Variants in VTI1A observed in about 807,000 individuals in gnomAD.
VTI1A encodes the protein vesicle transport through interaction with t-SNAREs homolog 1A.
In VTI1A, 22 loss-of-function variants were observed where a neutral mutation model predicts 34.9. The observed-to-expected ratio is 0.63, with a 90% CI of 0.45 to 0.90. VTI1A has a LOEUF of 0.90. Ranked by LOEUF, VTI1A falls within the 40% of genes least tolerant of loss-of-function variation. VTI1A has a pLI of 0.00. For synonymous variants in VTI1A, 87 were observed against 97.3 expected (o/e 0.89, Z 0.62); for missense variants, 268 against 275.6 (o/e 0.97, Z 0.20).
the VTI1A span, among the ~76,000 whole-genome samples, chr10:112,852,470 C>T: frequency 1.3e-5 from 2 of 152,224 alleles, no homozygotes; most frequent in Non-Finnish European, 2.9e-5. Context: ...GGGCATGAAC[C>T]CTTTCTAAGC....
At chr10:112,493,206 A>C (rs1848896377) in intron 3 of VTI1A, among the ~76,000 whole-genome samples, 1 of 152,120 alleles carries the variant, frequency 6.6e-6, no homozygotes, top group Admixed American at 6.6e-5. Context: ...TTTATTTCTA[A>C]ATATTTTCTC....
At chr10:112,461,664 A>C (rs1271723532) in intron 2 of VTI1A, among the ~76,000 whole-genome samples, 1 of 152,194 alleles carries the variant, frequency 6.6e-6, no homozygotes, top group Non-Finnish European at 1.5e-5. Flanking sequence ...TAACTACTAC[A>C]AGCATGACTC....
intron 5 of VTI1A, among the ~76,000 whole-genome samples, chr10:112,623,771 C>T (rs1305013538): frequency 1.1e-4 from 16 of 152,074 alleles, no homozygotes; most frequent in Admixed American, 1.3e-4. Flanking sequence ...AAAAATACTG[C>T]GAGGGTTTCC....
intron 7 of VTI1A, among the ~76,000 whole-genome samples, chr10:112,699,853 G>A (rs1848933851): frequency 1.3e-5 from 2 of 149,366 alleles, no homozygotes; most frequent in South Asian, 4.3e-4. Flanking sequence ...GGGCATGGTG[G>A]CTCACACCTG....
rs116714532 is a variant in VTI1A, at chr10:112,476,022, A to G, written c.264+11365A>G. On this transcript the variant is annotated intron_variant, in intron 3 of 7. Transcript: ENST00000393077. ...TAGATAAATAAGCTAAATAAATCCAATTCGTCAAATTGTATTTCTGGCTGT... is the reference window on the plus strand; with the variant it reads ...TAGATAAATAAGCTAAATAAATCCAGTTCGTCAAATTGTATTTCTGGCTGT... Among the ~76,000 whole-genome samples the G allele has an allele frequency of 7.1e-3, 1,083 of 152,292 alleles. 14 individuals are homozygous for G. The highest frequency in any genetic ancestry group is 0.025 in the African/African-American group (1,042 of 41,560).
chr10:112,741,539 T>G (rs1850695953), intron 7 of VTI1A, among the ~76,000 whole-genome samples: 1 of 152,184 alleles, frequency 6.6e-6, no homozygotes, highest in African/African-American at 2.4e-5. Flanking sequence ...TACAACTCAG[T>G]GAACACACTA....
At chr10:112,533,569 CT>C (rs536806879) in intron 4 of VTI1A, 65,493 of 605,394 alleles carry the variant, frequency 0.11, 20 homozygotes, top group Non-Finnish European at 0.12. Context: ...TTCCTAGCTT[CT>C]TTTTTTTTTT....
At position 112,775,887 on chromosome 10, in the gene VTI1A, G is replaced by A. The variant is rs555151849; in HGVS notation, c.561-39403G>A. ...CGATAGTCAATCTGTGACTTCTTCAGTGATGGTAAATGTGCAATCTGATCT... is the reference window on the plus strand; with the variant it reads ...CGATAGTCAATCTGTGACTTCTTCAATGATGGTAAATGTGCAATCTGATCT... On this transcript the variant is annotated intron_variant, in intron 7 of 7. Coordinates refer to ENST00000393077, the MANE Select transcript of VTI1A (RefSeq NM_145206.4). Among the ~76,000 whole-genome samples the A allele has an allele frequency of 3.9e-5, 6 of 152,360 alleles. No individual in the cohort carries two copies. The South Asian group carries it at 1.0e-3, about 26-fold the overall frequency.
intron 3 of VTI1A, among the ~76,000 whole-genome samples, chr10:112,510,683 G>A (rs1026797633): frequency 1.3e-5 from 2 of 152,020 alleles, no homozygotes; most frequent in South Asian, 2.1e-4. Context: ...ATAGTTAAAC[G>A]AAAGAGAAAA....
At chr10:112,673,581 G>T (rs1441045944) in intron 7 of VTI1A, among the ~76,000 whole-genome samples, 1 of 152,200 alleles carries the variant, frequency 6.6e-6, no homozygotes, top group Non-Finnish European at 1.5e-5. Context: ...GAGGTCTTTT[G>T]TAACTAATCT....
At chr10:112,755,618 T>G (rs759258550) in intron 7 of VTI1A, among the ~76,000 whole-genome samples, 1 of 152,200 alleles carries the variant, frequency 6.6e-6, no homozygotes, top group Non-Finnish European at 1.5e-5. Context: ...AAATTCATCT[T>G]ATTTTGCCTC....
At chr10:112,652,627 T>G (rs1010160914) in intron 5 of VTI1A, among the ~76,000 whole-genome samples, 1 of 150,462 alleles carries the variant, frequency 6.6e-6, no homozygotes, top group African/African-American at 2.5e-5. Context: ...CTGAGGAGGC[T>G]GAGGTGGGAT....
chr10:112,614,124 T>C (rs929078937), intron 5 of VTI1A, among the ~76,000 whole-genome samples: 14 of 152,184 alleles, frequency 9.2e-5, no homozygotes, highest in African/African-American at 2.9e-4. Context: ...GGAAATGTGC[T>C]CAGTTAACCC....
the VTI1A span, among the ~76,000 whole-genome samples, chr10:112,841,509 C>T: frequency 2.0e-5 from 3 of 152,134 alleles, no homozygotes; most frequent in African/African-American, 7.2e-5. Flanking sequence ...GCGTTGGGAG[C>T]CACACCACCA....
intron 7 of VTI1A, among the ~76,000 whole-genome samples, chr10:112,795,251 T>G (rs894508912): frequency 6.6e-6 from 1 of 152,064 alleles, no homozygotes; most frequent in African/African-American, 2.4e-5. Context: ...CTAACTTAAC[T>G]CTCTAAGCCT....
At chr10:112,628,945 A>T (rs921921952) in intron 5 of VTI1A, among the ~76,000 whole-genome samples, 5 of 151,852 alleles carry the variant, frequency 3.3e-5, no homozygotes, top group Non-Finnish European at 5.9e-5. Flanking sequence ...GGGTTCATTG[A>T]CTCTCTTTGA....
chr10:112,810,884 G>A (rs1159883164), intron 7 of VTI1A, among the ~76,000 whole-genome samples: 1 of 152,142 alleles, frequency 6.6e-6, no homozygotes, highest in Non-Finnish European at 1.5e-5. Context: ...TCAGTGAAAA[G>A]TGTTGTGACC....
chr10:112,736,111 G>GTATATATATATATA (rs372188173), intron 7 of VTI1A, among the ~76,000 whole-genome samples: 1,439 of 115,992 alleles, frequency 0.012, 40 homozygotes, highest in African/African-American at 0.038. Flanking sequence ...ATGTGTGTGT[G>GTATATATATATATA]TATATATATA....
chr10:112,529,151 T>C (rs1012038534), intron 4 of VTI1A, among the ~76,000 whole-genome samples: 1 of 152,148 alleles, frequency 6.6e-6, no homozygotes, highest in African/African-American at 2.4e-5. Flanking sequence ...AAATAGAGTA[T>C]GATAAATTAT....
Sources: gnomAD v4.1 joint callset for allele counts (sites outside exome capture counted in the v4.1 genomes callset) on GRCh38, gnomAD v4.1.1 for gene constraint, MANE v1.5 for transcripts, NCBI Gene and HGNC (gene_info 2026-07-23, HGNC 2026-07-21) for gene names.